ATP2B2: variants seen among roughly 807,000 people sequenced by gnomAD.
The protein encoded by ATP2B2 is plasma membrane calcium-transporting ATPase 2.
ATP2B2 carries 15 observed loss-of-function variants against 120.0 expected under a neutral mutation model. That is an observed-to-expected ratio of 0.12 (90% CI 0.08 to 0.19). The LOEUF is 0.19. ATP2B2 is among the 10% of genes least tolerant of loss of function. The probability of loss-of-function intolerance (pLI) is 1.00; values close to 1 mark genes in which losing one functional copy is unlikely to be tolerated. For missense variants in ATP2B2, 1,045 were observed against 1,719.8 expected (o/e 0.61, Z 6.94); for synonymous variants, 694 against 700.3 (o/e 0.99, Z 0.14).
chr3:10,343,010 T>C lies in ATP2B2; in HGVS notation c.2704-45A>G, dbSNP rs1162227326. On this transcript the variant is annotated intron_variant, in intron 18 of 22. Coordinates refer to ENST00000360273, the MANE Select transcript of ATP2B2 (RefSeq NM_001001331.4). The surrounding 1 kb of genome is among the most constrained non-coding windows in gnomAD (Gnocchi z 4.2). ...GGCTGTCACCTGTGCGCCCACCTGCTGCTGTGAAGTGCTGGGCGGGCTCAT... is the reference window on the plus strand; with the variant it reads ...GGCTGTCACCTGTGCGCCCACCTGCCGCTGTGAAGTGCTGGGCGGGCTCAT... 6.3e-7 allele frequency: 1 copy of C among 1,589,924 alleles called. No homozygotes were observed. Among genetic ancestry groups the C allele is most frequent in the African/African-American group, 1.3e-5 (1 of 74,414 alleles).
chr3:10,338,089 C>T (rs1406132661), intron 22 of ATP2B2, 87 bp downstream of exon 22: 2 of 1,572,102 alleles, frequency 1.3e-6, no homozygotes, highest in African/African-American at 1.3e-5. Context: ...CAGAGCTGGG[C>T]CCTGGGGGGC....
chr3:10,595,304 G>A (rs76321675), intron 2 of ATP2B2, among the ~76,000 whole-genome samples: 7 of 152,310 alleles, frequency 4.6e-5, no homozygotes, highest in Middle Eastern at 3.4e-3. Flanking sequence ...GTCATGAAGC[G>A]GGGTGTTAGT....
intron 22 of ATP2B2, among the ~76,000 whole-genome samples, chr3:10,337,626 T>C (rs1318788343): frequency 6.6e-6 from 1 of 152,160 alleles, no homozygotes; most frequent in East Asian, 1.9e-4. Flanking sequence ...CCTGGTGTGC[T>C]TGGTGTGTGC....
chr3:10,566,506 T>G (rs1198982882), intron 2 of ATP2B2: 1 of 152,224 alleles, frequency 6.6e-6, no homozygotes, highest in Non-Finnish European at 1.5e-5. Flanking sequence ...TGAAAGTCAT[T>G]TATAACAACA....
At chr3:10,576,540 C>T (rs866698702) in intron 2 of ATP2B2, among the ~76,000 whole-genome samples, 6 of 152,094 alleles carry the variant, frequency 3.9e-5, no homozygotes, top group Middle Eastern at 3.4e-3. Flanking sequence ...CCACCTTTCC[C>T]GGCTAATTTT....
chr3:10,515,880 G>A (rs764372647), intron 3 of ATP2B2, among the ~76,000 whole-genome samples: 7 of 152,146 alleles, frequency 4.6e-5, no homozygotes, highest in Non-Finnish European at 8.8e-5. Flanking sequence ...AAAACTACCT[G>A]TAAGCCCCTT....
chr3:10,617,705 A>G (rs1402918509), intron 2 of ATP2B2, among the ~76,000 whole-genome samples: 1 of 152,232 alleles, frequency 6.6e-6, no homozygotes, highest in Non-Finnish European at 1.5e-5. Flanking sequence ...GTCTTCACAC[A>G]GGGACGAGCT....
intron 2 of ATP2B2, among the ~76,000 whole-genome samples, chr3:10,585,866 G>A (rs192716020): frequency 8.6e-5 from 13 of 152,036 alleles, no homozygotes; most frequent in African/African-American, 1.9e-4. Flanking sequence ...ATTTGCTTTC[G>A]TGTTCCCTCT....
chr3:10,502,358 A>T (rs563911085), intron 1 of ATP2B2, among the ~76,000 whole-genome samples: 7 of 152,262 alleles, frequency 4.6e-5, no homozygotes, highest in African/African-American at 1.7e-4. Flanking sequence ...GAGGGCAGAG[A>T]GAGGAAGTGA....
At chr3:10,629,878 T>C (rs1049267779) in intron 1 of ATP2B2, among the ~76,000 whole-genome samples, 1 of 152,204 alleles carries the variant, frequency 6.6e-6, no homozygotes, top group Admixed American at 6.5e-5. Flanking sequence ...ACAACCCACA[T>C]GGGTATCGAT....
chr3:10,476,289 G>C (rs1386775952), intron 1 of ATP2B2, among the ~76,000 whole-genome samples: 1 of 152,198 alleles, frequency 6.6e-6, no homozygotes, highest in Non-Finnish European at 1.5e-5. Flanking sequence ...GTAAGAGGTT[G>C]TGTTTTTCTG....
intron 2 of ATP2B2, among the ~76,000 whole-genome samples, chr3:10,432,151 C>G (rs768584451): frequency 2.2e-4 from 34 of 152,248 alleles, no homozygotes; most frequent in Non-Finnish European, 4.4e-4. Flanking sequence ...TGGATCTCAC[C>G]TCTGTCACCT....
intron 3 of ATP2B2, among the ~76,000 whole-genome samples, chr3:10,407,617 C>T (rs757580554): frequency 6.6e-6 from 1 of 152,232 alleles, no homozygotes; most frequent in Non-Finnish European, 1.5e-5. Context: ...GAGGACTCAA[C>T]ATGGCAGGGG....
At chr3:10,521,704 G>T (rs1463104579) in intron 3 of ATP2B2, among the ~76,000 whole-genome samples, 1 of 152,246 alleles carries the variant, frequency 6.6e-6, no homozygotes. Context: ...GAGACAAGTT[G>T]ATTGTGAACT....
At chr3:10,507,503 T>G (rs960432217), upstream of ATP2B2, among the ~76,000 whole-genome samples, 1 of 152,096 alleles carries the variant, frequency 6.6e-6, no homozygotes, top group Admixed American at 6.5e-5. Context: ...TTCCGAGATG[T>G]TGGAGCGAGG....
chr3:10,426,975 G>A (rs574051481), intron 2 of ATP2B2, among the ~76,000 whole-genome samples: 3 of 152,124 alleles, frequency 2.0e-5, no homozygotes, highest in South Asian at 2.1e-4. Context: ...TTTAGAAACC[G>A]CATTCACATC....
chr3:10,499,828 A>G (rs957165306), intron 1 of ATP2B2, among the ~76,000 whole-genome samples: 1 of 151,922 alleles, frequency 6.6e-6, no homozygotes, highest in Non-Finnish European at 1.5e-5. Context: ...GTCTCTGGGC[A>G]TCCCCCAGCC....
At position 10,347,527 on chromosome 3, in the gene ATP2B2, C is replaced by A. The variant is rs1358515023; in HGVS notation, c.2405-1390G>T. On this transcript the variant is annotated intron_variant, in intron 16 of 22. Transcript: ENST00000360273. The surrounding 1 kb of genome is among the most constrained non-coding windows in gnomAD (Gnocchi z 5.2). ...GCTCCCTTGCAGCTCTACCCTCTTT[C>A]AGGCCCAGCTGCAGTGCCGTGTGTT... is the stretch of plus-strand genomic sequence containing the variant. Among the ~76,000 whole-genome samples the A allele has an allele frequency of 6.6e-6, 1 of 152,230 alleles. No individual in the cohort carries two copies. Among genetic ancestry groups the A allele is most frequent in the Non-Finnish European group, 1.5e-5 (1 of 68,020 alleles).
At chr3:10,419,209 G>T (rs1377375563) in intron 2 of ATP2B2, among the ~76,000 whole-genome samples, 1 of 152,230 alleles carries the variant, frequency 6.6e-6, no homozygotes, top group Non-Finnish European at 1.5e-5. Context: ...TTGTCCAGAA[G>T]CCCCTCCCAC....
Sources: allele counts gnomAD v4.1 joint callset (sites outside exome capture counted in the v4.1 genomes callset), GRCh38; gene constraint gnomAD v4.1.1; non-coding constraint Gnocchi (gnomAD v3.1); transcripts MANE v1.5; gene names NCBI Gene and HGNC (gene_info 2026-07-23, HGNC 2026-07-21).